The following GLP1R variants were observed in gnomAD, a reference collection of about 807,000 sequenced individuals.
GLP1R encodes the protein glucagon like peptide 1 receptor, also known as glucagon-like peptide 1 receptor.
In GLP1R, 32 loss-of-function variants were observed where a neutral mutation model predicts 68.4. The ratio of observed to expected loss-of-function variants is 0.47; its 90% confidence interval spans 0.35 to 0.63. The LOEUF is 0.63. Among genes scored for constraint, GLP1R ranks in the 20% least tolerant of loss-of-function variants. The probability of loss-of-function intolerance (pLI) is 0.00; values close to 1 mark genes in which losing one functional copy is unlikely to be tolerated. For missense variants in GLP1R, 502 were observed against 594.9 expected (o/e 0.84, Z 1.62); for synonymous variants, 263 against 244.4 (o/e 1.08, Z -0.71).
intron 6 of GLP1R, 149 bp from the exon 7 acceptor site, chr6:39,073,461 G>C (rs1046074210): frequency 9.1e-6 from 6 of 656,996 alleles, no homozygotes; most frequent in Non-Finnish European, 1.6e-5. Context: ...AGCAGATAAA[G>C]TCCTTAGCAC....
chr6:39,080,723 G>T lies in GLP1R; in HGVS notation c.1208G>T (p.Cys403Phe), dbSNP rs1178460976. The part of the protein sequence containing the change: ...FQGLMVAILY[C>F]FVNNEVQLEF... ...GGGCTGATGGTGGCCATATTATACT[G>T]CTTTGTCAACAATGAGGTAAGCTCT... is the stretch of plus-strand genomic sequence containing the variant. The change falls in exon 12 of 13, where the codon TGC becomes TTC. Residue 403 changes from cysteine to phenylalanine, a missense_variant. Coordinates refer to ENST00000373256, the MANE Select transcript of GLP1R (RefSeq NM_002062.5). The T allele has an allele frequency of 6.3e-7, 1 of 1,597,362 alleles. No individual in the cohort carries two copies.
intron 7 of GLP1R, among the ~76,000 whole-genome samples, chr6:39,077,781 T>C (rs749417433): frequency 9.9e-5 from 15 of 152,174 alleles, no homozygotes; most frequent in Admixed American, 2.6e-4. Context: ...AGTTAGTTGG[T>C]CAGCTGGCAT....
At chr6:39,071,244 G>T (rs1307738068) in intron 5 of GLP1R, among the ~76,000 whole-genome samples, 1 of 151,360 alleles carries the variant, frequency 6.6e-6, no homozygotes, top group Non-Finnish European at 1.5e-5. Context: ...TACTCAGGAG[G>T]CTGAGGCGGG....
intron 12 of GLP1R, among the ~76,000 whole-genome samples, chr6:39,082,018 T>A (rs528448472): frequency 6.6e-6 from 1 of 152,274 alleles, no homozygotes; most frequent in African/African-American, 2.4e-5. Context: ...AGATGCTCAG[T>A]AAGCAATCAC....
chr6:39,062,355 C>T (rs776244275), intron 3 of GLP1R, among the ~76,000 whole-genome samples: 2 of 152,228 alleles, frequency 1.3e-5, no homozygotes, highest in Non-Finnish European at 2.9e-5. Context: ...CCCTGACCCA[C>T]CCCACCTCCA....
rs561011562 is a variant in GLP1R, at chr6:39,063,407, C to T, written c.284-2304C>T. ...AGACCACGTGCCTCCCCTTCTCTGC[C>T]GTTGGGGGTACACCTGATTTTGTTC... On this transcript the variant is annotated intron_variant, in intron 3 of 12. Transcript: ENST00000373256. Among the ~76,000 whole-genome samples, 24 of 152,222 alleles carry T rather than the reference C, an allele frequency of 1.6e-4. No homozygotes were observed. The South Asian group carries it at 4.4e-3, about 28-fold the overall frequency.
chr6:39,080,135 T>C (rs748922557), intron 11 of GLP1R, among the ~76,000 whole-genome samples: 1 of 152,060 alleles, frequency 6.6e-6, no homozygotes, highest in African/African-American at 2.4e-5. Context: ...TCCTCTCCAC[T>C]AGCATTAGAT....
chr6:39,072,920 C>A lies in GLP1R; in HGVS notation c.568C>A (p.Arg190=), dbSNP rs763103077. ...HLNLFASFIL[R]ALSVFIKDAA... ...GAACCTGTTTGCATCCTTCATCCTGCGAGCATTGTCCGTCTTCATCAAGGA... is the reference window on the plus strand; with the variant it reads ...GAACCTGTTTGCATCCTTCATCCTGAGAGCATTGTCCGTCTTCATCAAGGA... Residue 190 remains arginine (R), a synonymous_variant, in exon 6 of 13, where the codon CGA becomes AGA. Transcript: ENST00000373256. 1.2e-6 allele frequency: 2 copies of A among 1,613,952 alleles called. No homozygotes were observed. Among genetic ancestry groups the A allele is most frequent in the South Asian group, 1.1e-5 (1 of 91,078 alleles).
intron 12 of GLP1R, among the ~76,000 whole-genome samples, chr6:39,084,051 G>C (rs1769083241): frequency 6.6e-6 from 1 of 152,144 alleles, no homozygotes; most frequent in African/African-American, 2.4e-5. Context: ...GCTCCCAGGT[G>C]AGAGGTAGGA....
chr6:39,061,680 G>T (rs1289783822), intron 3 of GLP1R, among the ~76,000 whole-genome samples: 1 of 152,124 alleles, frequency 6.6e-6, no homozygotes, highest in East Asian at 1.9e-4. Flanking sequence ...TGTTTCAAAG[G>T]TCTACTATGT....
chr6:39,066,100 T>C (rs1768504030), intron 4 of GLP1R, 97 bp from the exon 5 acceptor site: 1 of 719,674 alleles, frequency 1.4e-6, no homozygotes. Context: ...GAGTCCTGAC[T>C]TGGGGCCCCA....
At chr6:39,064,003 T>C (rs888839077) in intron 3 of GLP1R, among the ~76,000 whole-genome samples, 6 of 144,920 alleles carry the variant, frequency 4.1e-5, no homozygotes, top group Non-Finnish European at 9.1e-5. Context: ...CTCAGTTCTT[T>C]TTTTTTTTTT....
At position 39,078,344 on chromosome 6, in the gene GLP1R, C is replaced by T. The variant is rs768596982; in HGVS notation, c.846C>T (p.Val282=). ...TAGGTGTTCCCCTGCTGTTTGTTGT[C>T]CCCTGGGGCATTGTCAAGTACCTCT... The part of the protein sequence containing the change: ...IGWGVPLLFV[V]PWGIVKYLYE... Residue 282 remains valine, a synonymous_variant, in exon 8 of 13, where the codon GTC becomes GTT. Coordinates refer to ENST00000373256, the MANE Select transcript of GLP1R (RefSeq NM_002062.5). 6.8e-6 allele frequency: 11 copies of T among 1,612,714 alleles called. No individual in the cohort carries two copies. The South Asian group carries it at 1.2e-4, about 18-fold the overall frequency.
At position 39,059,777 on chromosome 6, in the gene GLP1R, C is replaced by T. The variant is rs368459554; in HGVS notation, c.283+2198C>T. 3.9e-5 allele frequency among the ~76,000 whole-genome samples: 6 copies of T among 152,288 alleles called. No individual in the cohort carries two copies. In the East Asian group the frequency reaches 9.6e-4, roughly 24 times the overall value. On this transcript the variant is annotated intron_variant, in intron 3 of 12. Coordinates refer to ENST00000373256, the MANE Select transcript of GLP1R (RefSeq NM_002062.5). The stretch of plus-strand genomic sequence containing the variant: ...GGCCAGCGTCTGCTGGGCCTCTAGA[C>T]CCCAGGGAGCCAGGCGTAGGACAGG...
intron 3 of GLP1R, among the ~76,000 whole-genome samples, chr6:39,058,164 T>C (rs956575271): frequency 2.6e-5 from 4 of 152,106 alleles, no homozygotes; most frequent in African/African-American, 4.8e-5. Flanking sequence ...TCCAATTCAG[T>C]AGTCAGGAAA....
chr6:39,055,829 TC>T (rs569691559), intron 1 of GLP1R, among the ~76,000 whole-genome samples: 168 of 152,242 alleles, frequency 1.1e-3, no homozygotes, highest in African/African-American at 4.0e-3. Context: ...GCCACTACTC[TC>T]CCCGGCCCCC....
chr6:39,060,078 T>C (rs1768319632), intron 3 of GLP1R, among the ~76,000 whole-genome samples: 1 of 152,084 alleles, frequency 6.6e-6, no homozygotes, highest in Admixed American at 6.5e-5. Context: ...ACTCCCTGAG[T>C]TACGGATGCT....
rs1473243052 is a variant in GLP1R, at chr6:39,087,896, T to C, written c.*1823T>C. On this transcript the variant is annotated 3_prime_UTR_variant, in exon 13 of 13. Transcript: ENST00000373256. Reference sequence around the variant, plus strand: ...GGGCAGGCTTCCCAAAGGCACCCCTTATTTGCTGTCTCTTCGTAAGCGTGG... The same window carrying C: ...GGGCAGGCTTCCCAAAGGCACCCCTCATTTGCTGTCTCTTCGTAAGCGTGG... 6.6e-6 allele frequency among the ~76,000 whole-genome samples: 1 copy of C among 152,100 alleles called. No homozygotes were observed. The highest frequency in any genetic ancestry group is 1.5e-5 in the Non-Finnish European group (1 of 68,022).
rs10305434 is a variant in GLP1R, at chr6:39,056,127, C to T, written c.79-270C>T. On this transcript the variant is annotated intron_variant, in intron 1 of 12. Coordinates refer to ENST00000373256, the MANE Select transcript of GLP1R (RefSeq NM_002062.5). ...CTTTCCTCCTTCACCCACCCACCTC[C>T]CCAAAAGCATCAATTTAGCAGACAT... 9.2e-3 allele frequency among the ~76,000 whole-genome samples: 1,399 copies of T among 152,302 alleles called. 13 individuals are homozygous for T. The highest frequency in any genetic ancestry group is 0.042 in the East Asian group (218 of 5,192).
Sources: allele counts gnomAD v4.1 joint callset (sites outside exome capture counted in the v4.1 genomes callset), GRCh38; gene constraint gnomAD v4.1.1; transcripts MANE v1.5; gene names NCBI Gene and HGNC (gene_info 2026-07-23, HGNC 2026-07-21).